The following DRC9 variants were observed in gnomAD, a reference collection of about 807,000 sequenced individuals.
DRC9 encodes dynein regulatory complex subunit 9, also known as dynein regulatory complex protein 9.
the DRC9 span, chr3:197,950,087 C>A: frequency 8.2e-7 from 1 of 1,217,284 alleles, no homozygotes; most frequent in Non-Finnish European, 1.0e-6. Context: ...AGTGCGAAGC[C>A]GATTTCCGAG....
the DRC9 span, among the ~76,000 whole-genome samples, chr3:197,899,151 C>T: frequency 6.6e-6 from 1 of 151,980 alleles, no homozygotes; most frequent in African/African-American, 2.4e-5. Context: ...GAAAAGGTAG[C>T]CAAATAGCTC....
chr3:197,922,841 T>C, the DRC9 span, among the ~76,000 whole-genome samples: 1 of 152,032 alleles, frequency 6.6e-6, no homozygotes, highest in African/African-American at 2.4e-5. Flanking sequence ...TTTATATTAG[T>C]CTTTTTAAAT....
the DRC9 span, among the ~76,000 whole-genome samples, chr3:197,943,009 T>C: frequency 1.3e-5 from 2 of 152,220 alleles, no homozygotes; most frequent in African/African-American, 2.4e-5. Context: ...ACAACCTAAG[T>C]TACTGAAATG....
the DRC9 span, among the ~76,000 whole-genome samples, chr3:197,921,853 A>T: frequency 7.2e-6 from 1 of 139,124 alleles, no homozygotes; most frequent in African/African-American, 3.1e-5. Context: ...GATTGACCCG[A>T]CTACTGGTTT....
chr3:197,932,287 A>G, the DRC9 span: 3 of 1,611,088 alleles, frequency 1.9e-6, no homozygotes, highest in African/African-American at 2.7e-5. Context: ...CTGCAATCAC[A>G]TCGCTGAAAA....
chr3:197,897,059 A>G, the DRC9 span, among the ~76,000 whole-genome samples: 1 of 152,196 alleles, frequency 6.6e-6, no homozygotes, highest in Non-Finnish European at 1.5e-5. Flanking sequence ...TCAGTAAGAA[A>G]AAAGGAAAGA....
At chr3:197,949,383 C>CA in the DRC9 span, 1 of 152,236 alleles carries the variant, frequency 6.6e-6, no homozygotes, top group African/African-American at 2.4e-5. Flanking sequence ...TAGGTGCGGA[C>CA]ACGAGGCAGC....
At chr3:197,946,813 CTTTCTTTT>C in the DRC9 span, among the ~76,000 whole-genome samples, 1 of 152,038 alleles carries the variant, frequency 6.6e-6, no homozygotes, top group Non-Finnish European at 1.5e-5. Context: ...AGCAGAATAC[CTTTCTTTT>C]TTTCTTTTCT....
At chr3:197,944,089 A>G in the DRC9 span, 71 of 1,572,724 alleles carry the variant, frequency 4.5e-5, no homozygotes, top group East Asian at 1.6e-3. Context: ...TCAGCAACCA[A>G]TATTTAAACA....
chr3:197,911,458 A>G, the DRC9 span, among the ~76,000 whole-genome samples: 1 of 152,214 alleles, frequency 6.6e-6, no homozygotes, highest in Non-Finnish European at 1.5e-5. Flanking sequence ...AACTTTAGAA[A>G]CAACCTAAAT....
At chr3:197,936,032 G>T in the DRC9 span, among the ~76,000 whole-genome samples, 3 of 151,962 alleles carry the variant, frequency 2.0e-5, no homozygotes, top group Admixed American at 6.6e-5. Context: ...CGGATCACCT[G>T]AGGTCAGGAG....
the DRC9 span, among the ~76,000 whole-genome samples, chr3:197,942,880 C>G: frequency 3.8e-3 from 547 of 142,474 alleles, 5 homozygotes; most frequent in African/African-American, 0.013. Context: ...GCAACAAGAG[C>G]GAAACTCCAT....
At chr3:197,950,243 G>A in the DRC9 span, 3 of 1,230,626 alleles carry the variant, frequency 2.4e-6, no homozygotes, top group Non-Finnish European at 3.0e-6. Context: ...GTCTGCTGCT[G>A]AAATTTGGGG....
chr3:197,901,985 G>A, the DRC9 span, among the ~76,000 whole-genome samples: 3 of 152,298 alleles, frequency 2.0e-5, no homozygotes, highest in African/African-American at 7.2e-5. This position sits in a 1 kb window ranked among gnomAD's most constrained non-coding sequence, Gnocchi z 4.4. Context: ...GTCACCAGGG[G>A]GCTTGTGTCA....
the DRC9 span, among the ~76,000 whole-genome samples, chr3:197,895,169 C>T: frequency 1.3e-5 from 2 of 151,706 alleles, no homozygotes; most frequent in Non-Finnish European, 2.9e-5. Context: ...AACAAACAAA[C>T]AAAAAAAACA....
At chr3:197,924,971 G>A in the DRC9 span, among the ~76,000 whole-genome samples, 12 of 152,128 alleles carry the variant, frequency 7.9e-5, no homozygotes, top group East Asian at 3.9e-4. Context: ...AACTAGATAC[G>A]AGGTTAGGTC....
the DRC9 span, among the ~76,000 whole-genome samples, chr3:197,915,829 A>G: frequency 2.6e-5 from 4 of 152,160 alleles, no homozygotes; most frequent in Admixed American, 2.6e-4. Context: ...GGGTTTCTCT[A>G]CATTGGTCAG....
chr3:197,938,955 CACA>C, the DRC9 span: 1 of 600,638 alleles, frequency 1.7e-6, no homozygotes, highest in East Asian at 2.8e-5. Context: ...GCTAACTTCA[CACA>C]ACATTCTTCT....
chr3:197,914,704 G>A, the DRC9 span, among the ~76,000 whole-genome samples: 1 of 152,162 alleles, frequency 6.6e-6, no homozygotes, highest in Non-Finnish European at 1.5e-5. Flanking sequence ...AAACACATGT[G>A]TAAACTTCCA....
Sources: allele counts gnomAD v4.1 joint callset (sites outside exome capture counted in the v4.1 genomes callset), GRCh38; gene constraint gnomAD v4.1.1; non-coding constraint Gnocchi (gnomAD v3.1); transcripts MANE v1.5; gene names NCBI Gene and HGNC (gene_info 2026-07-23, HGNC 2026-07-21).